CACNB2: variants seen among roughly 807,000 people sequenced by gnomAD.
The protein encoded by CACNB2 is voltage-dependent L-type calcium channel subunit beta-2.
In CACNB2, 42 loss-of-function variants were observed where a neutral mutation model predicts 73.3. That is an observed-to-expected ratio of 0.57 (90% CI 0.45 to 0.74). The LOEUF (loss-of-function observed/expected upper bound fraction) is 0.74. Among genes scored for constraint, CACNB2 ranks in the 30% least tolerant of loss-of-function variants. The pLI is 0.00. For synonymous variants in CACNB2, 348 were observed against 310.3 expected (o/e 1.12, Z -1.28); for missense variants, 940 against 853.0 (o/e 1.10, Z -1.27).
Position 18,421,590 on chromosome 10 carries a change from G to A in CACNB2, c.333+19547G>A, listed in dbSNP as rs141657163. 7.4e-3 allele frequency among the ~76,000 whole-genome samples: 1,121 copies of A among 152,204 alleles called. 8 individuals are homozygous for A. The highest frequency in any genetic ancestry group is 0.011 in the Non-Finnish European group (719 of 67,998). ...TCTGGGATTACAGGCCTGAGCCACC[G>A]TGCCTGGCCCAGTATGGTATTTTTA... On this transcript the variant is annotated intron_variant, in intron 3 of 13. Transcript: ENST00000324631.
At chr10:18,213,296 T>A (rs2035390988) in intron 2 of CACNB2, among the ~76,000 whole-genome samples, 1 of 152,190 alleles carries the variant, frequency 6.6e-6, no homozygotes, top group Admixed American at 6.5e-5. Flanking sequence ...TTTTCTCACG[T>A]GTTAAGCTCA....
intron 2 of CACNB2, among the ~76,000 whole-genome samples, chr10:18,221,001 T>C (rs2035770523): frequency 6.6e-6 from 1 of 152,170 alleles, no homozygotes; most frequent in Non-Finnish European, 1.5e-5. Flanking sequence ...CAAATACTCA[T>C]GCTTGTGATC....
Position 18,518,413 on chromosome 10 carries a change from C to A in CACNB2, c.882C>A (p.Tyr294Ter). The change falls in exon 8 of 14, where the codon TAC (tyrosine) becomes TAA (stop). Residue 294 changes from tyrosine (Y) to a stop codon, truncating the protein, a stop_gained. Coordinates refer to ENST00000324631, the MANE Select transcript of CACNB2 (RefSeq NM_201596.3). LOFTEE classifies it high-confidence loss of function. ...VVLVGPSLKGYEVTDMMQKAL... is the reference protein window; with the variant it reads ...VVLVGPSLKG ...TAGTGGGCCCTTCTCTGAAGGGCTACGAGGTGGGTAGCAGCCTTCCACAGG... is the reference window on the plus strand; with the variant it reads ...TAGTGGGCCCTTCTCTGAAGGGCTAAGAGGTGGGTAGCAGCCTTCCACAGG... 6.2e-7 allele frequency: 1 copy of A among 1,601,652 alleles called. No individual in the cohort carries two copies. Among genetic ancestry groups the A allele is most frequent in the Non-Finnish European group, 8.6e-7 (1 of 1,168,900 alleles).
chr10:18,265,076 T>C (rs1451628379), intron 2 of CACNB2, among the ~76,000 whole-genome samples: 7 of 152,186 alleles, frequency 4.6e-5, no homozygotes, highest in Non-Finnish European at 1.5e-5. Context: ...CATTATGGCT[T>C]TGCTGTGCAT....
At chr10:18,458,075 A>C (rs1161249309) in intron 3 of CACNB2, among the ~76,000 whole-genome samples, 1 of 152,238 alleles carries the variant, frequency 6.6e-6, no homozygotes, top group Non-Finnish European at 1.5e-5. Context: ...GATGCAGAGA[A>C]ATCATTTAAC....
intron 10 of CACNB2, chr10:18,533,330 A>G (rs2133277059): frequency 6.6e-6 from 1 of 152,284 alleles, no homozygotes; most frequent in East Asian, 1.9e-4. Context: ...ACATACAGAG[A>G]ATATTTCCCT....
chr10:18,245,364 G>A (rs1457070038), intron 2 of CACNB2, among the ~76,000 whole-genome samples: 2 of 152,062 alleles, frequency 1.3e-5, no homozygotes, highest in East Asian at 1.9e-4. Context: ...CGTTGCACAG[G>A]CTGGAGTGTA....
chr10:18,278,964 C>G (rs2038419294), intron 2 of CACNB2, among the ~76,000 whole-genome samples: 1 of 152,062 alleles, frequency 6.6e-6, no homozygotes, highest in African/African-American at 2.4e-5. Flanking sequence ...CTGCAGTGAG[C>G]CATGATCATG....
At chr10:18,328,044 T>A (rs1383533196) in intron 2 of CACNB2, among the ~76,000 whole-genome samples, 1 of 152,152 alleles carries the variant, frequency 6.6e-6, no homozygotes, top group Admixed American at 6.5e-5. Flanking sequence ...TGTAGCCAGT[T>A]CTGGAAAGAG....
intron 2 of CACNB2, among the ~76,000 whole-genome samples, chr10:18,348,249 C>T (rs549392509): frequency 1.1e-4 from 17 of 152,162 alleles, no homozygotes; most frequent in African/African-American, 2.9e-4. Flanking sequence ...AAGAACTCTC[C>T]GGGTAAAAGA....
intron 2 of CACNB2, among the ~76,000 whole-genome samples, chr10:18,370,006 A>T (rs1477120520): frequency 6.6e-6 from 1 of 152,218 alleles, no homozygotes; most frequent in Non-Finnish European, 1.5e-5. Flanking sequence ...CCAGTTCTGG[A>T]AGTCTTTTGT....
chr10:18,357,576 T>C (rs1198638321), intron 2 of CACNB2, among the ~76,000 whole-genome samples: 1 of 152,234 alleles, frequency 6.6e-6, no homozygotes, highest in Non-Finnish European at 1.5e-5. Flanking sequence ...CAATCTTTCA[T>C]TGATTGTCAC....
chr10:18,210,942 T>C (rs1403645573), intron 2 of CACNB2, among the ~76,000 whole-genome samples: 1 of 152,196 alleles, frequency 6.6e-6, no homozygotes, highest in Non-Finnish European at 1.5e-5. Context: ...TTCAGACAAG[T>C]TTCTCAGCCT....
intron 3 of CACNB2, among the ~76,000 whole-genome samples, chr10:18,439,312 T>C (rs2046302325): frequency 6.6e-6 from 1 of 152,214 alleles, no homozygotes; most frequent in African/African-American, 2.4e-5. Context: ...CTCATCTCCA[T>C]GCCAACTCAC....
At chr10:18,441,436 A>G (rs965863437) in intron 3 of CACNB2, among the ~76,000 whole-genome samples, 1 of 152,076 alleles carries the variant, frequency 6.6e-6, no homozygotes, top group African/African-American at 2.4e-5. Flanking sequence ...AAACTGAACT[A>G]TACGGCTTCC....
intron 9 of CACNB2, among the ~76,000 whole-genome samples, chr10:18,524,442 G>C (rs957068141): frequency 2.0e-5 from 3 of 151,692 alleles, no homozygotes; most frequent in African/African-American, 4.8e-5. Context: ...GATCACTTGA[G>C]GCCAGGAGTT....
chr10:18,349,619 C>T (rs546672861), intron 2 of CACNB2, among the ~76,000 whole-genome samples: 1 of 151,572 alleles, frequency 6.6e-6, no homozygotes, highest in Non-Finnish European at 1.5e-5. Context: ...ATATAAGGGA[C>T]CTAGAATAGA....
chr10:18,185,727 C>T (rs1296147788), intron 2 of CACNB2, among the ~76,000 whole-genome samples: 1 of 151,978 alleles, frequency 6.6e-6, no homozygotes, highest in Non-Finnish European at 1.5e-5. Flanking sequence ...AGTGGGATTC[C>T]CATTTGCGTA....
chr10:18,447,270 C>T (rs2046781508), intron 3 of CACNB2, among the ~76,000 whole-genome samples: 1 of 152,038 alleles, frequency 6.6e-6, no homozygotes, highest in Admixed American at 6.5e-5. Flanking sequence ...AAATTTGAGG[C>T]ACCATAGACC....
Sources: allele counts gnomAD v4.1 joint callset (sites outside exome capture counted in the v4.1 genomes callset), GRCh38; gene constraint gnomAD v4.1.1; transcripts MANE v1.5; gene names NCBI Gene and HGNC (gene_info 2026-07-23, HGNC 2026-07-21).